KIAA1217: variants seen among roughly 807,000 people sequenced by gnomAD.
KIAA1217 encodes the protein sickle tail protein homolog.
Under a neutral mutation model 163.9 loss-of-function variants are expected in KIAA1217, and 88 were observed. The ratio of observed to expected loss-of-function variants is 0.54; its 90% CI spans 0.45 to 0.64. The LOEUF is 0.64. KIAA1217 is among the 30% of genes least tolerant of loss of function. The pLI is 0.00. For synonymous variants in KIAA1217, 903 were observed against 923.1 expected, an observed-to-expected ratio of 0.98 and a Z score of 0.39; for missense variants, 2,372 against 2,475.0, an observed-to-expected ratio of 0.96 and a Z score of 0.88.
intron 2 of KIAA1217, among the ~76,000 whole-genome samples, chr10:24,241,640 T>C (rs1199998444): frequency 1.3e-5 from 2 of 152,202 alleles, no homozygotes; most frequent in Admixed American, 1.3e-4. Context: ...GAATATACTG[T>C]CCTTTATTCC....
intron 2 of KIAA1217, among the ~76,000 whole-genome samples, chr10:24,080,981 A>G (rs1169342576): frequency 6.6e-6 from 1 of 152,186 alleles, no homozygotes; most frequent in East Asian, 1.9e-4. Context: ...ACACAAACCT[A>G]TTCTGAAGCT....
At chr10:23,826,763 C>G (rs1837918658) in intron 1 of KIAA1217, among the ~76,000 whole-genome samples, 1 of 152,110 alleles carries the variant, frequency 6.6e-6, no homozygotes, top group African/African-American at 2.4e-5. Context: ...TCAAATGCTC[C>G]AAGGGCTATC....
intron 2 of KIAA1217, among the ~76,000 whole-genome samples, chr10:24,087,485 T>C (rs1215831837): frequency 6.6e-6 from 1 of 152,186 alleles, no homozygotes; most frequent in East Asian, 1.9e-4. Flanking sequence ...ACATGAGGTT[T>C]TATTATTGTG....
intron 2 of KIAA1217, among the ~76,000 whole-genome samples, chr10:24,220,441 CTCT>C (rs2069424806): frequency 7.2e-6 from 1 of 138,914 alleles, no homozygotes; most frequent in Non-Finnish European, 1.5e-5. Context: ...TTTGTTTCTG[CTCT>C]TCTTTTTTTT....
At chr10:23,986,938 T>C (rs1488124671) in intron 1 of KIAA1217, among the ~76,000 whole-genome samples, 5 of 152,084 alleles carry the variant, frequency 3.3e-5, no homozygotes, top group Non-Finnish European at 5.9e-5. Flanking sequence ...CTTGGGACCC[T>C]GAGTGCCCTG....
In KIAA1217 at chr10:23,788,399, C is replaced by A. The variant is rs909327625; in HGVS notation, c.-321+93165C>A. ...AGTAAGTTGCCCAAGGTTACTCAGC[C>A]TCTTGGGGCTAATGCTAGAGCTAGA... On this transcript the variant is annotated intron_variant, in intron 1 of 18. Transcript: ENST00000376462. Among the ~76,000 whole-genome samples, 42 of 152,162 alleles carry A rather than the reference C, an allele frequency of 2.8e-4. 1 individual carries two copies. Among genetic ancestry groups the A allele is most frequent in the African/African-American group, 1.0e-3 (42 of 41,436 alleles).
At chr10:24,139,235 T>G (rs1383738100) in intron 2 of KIAA1217, among the ~76,000 whole-genome samples, 1 of 152,172 alleles carries the variant, frequency 6.6e-6, no homozygotes, top group African/African-American at 2.4e-5. Context: ...TTCCCATTTT[T>G]AATATATATA....
intron 2 of KIAA1217, among the ~76,000 whole-genome samples, chr10:24,176,439 C>T (rs2065893905): frequency 6.6e-6 from 1 of 152,094 alleles, no homozygotes; most frequent in African/African-American, 2.4e-5. Context: ...GGTGCATTTA[C>T]AATCCTCTAG....
intron 2 of KIAA1217, among the ~76,000 whole-genome samples, chr10:24,223,336 A>G (rs764749557): frequency 3.0e-4 from 46 of 152,164 alleles, no homozygotes; most frequent in South Asian, 2.1e-4. Flanking sequence ...GACATGGCCT[A>G]TGAAATTGCT....
intron 2 of KIAA1217, among the ~76,000 whole-genome samples, chr10:24,249,641 A>G (rs1006541960): frequency 1.3e-5 from 2 of 152,168 alleles, no homozygotes; most frequent in African/African-American, 4.8e-5. Flanking sequence ...CCCCATATAC[A>G]CTTAAATCAC....
intron 1 of KIAA1217, among the ~76,000 whole-genome samples, chr10:23,855,383 C>A (rs751743402): frequency 1.6e-4 from 25 of 152,276 alleles, no homozygotes; most frequent in Admixed American, 5.2e-4. Flanking sequence ...CTGAGAGATC[C>A]GCTGTTAGTC....
rs532177460 is a variant in KIAA1217, at chr10:23,766,732, G to A, written c.-321+71498G>A. Among the ~76,000 whole-genome samples, 24 of 152,040 alleles carry A rather than the reference G, an allele frequency of 1.6e-4. No individual in the cohort carries two copies. In the East Asian group the frequency reaches 4.3e-3, roughly 27 times the overall value. On this transcript the variant is annotated intron_variant, in intron 1 of 18. Coordinates refer to the KIAA1217 transcript ENST00000376462. ...GCCTCCCGAGTAGCTGGGATTACAG[G>A]TGTGTGCCATCATACCCAGCTAATT... is the stretch of plus-strand genomic sequence containing the variant.
At chr10:24,357,901 T>C (rs943709784) in intron 2 of KIAA1217, among the ~76,000 whole-genome samples, 14 of 152,240 alleles carry the variant, frequency 9.2e-5, no homozygotes, top group African/African-American at 1.7e-4. Flanking sequence ...CATGTGAGCA[T>C]TGGGCCTGTT....
intron 2 of KIAA1217, among the ~76,000 whole-genome samples, chr10:24,033,896 T>C (rs535218237): frequency 6.6e-6 from 1 of 152,312 alleles, no homozygotes; most frequent in South Asian, 2.1e-4. Context: ...ACAGAGGCCA[T>C]ACAGTTCAAA....
chr10:24,169,951 A>G (rs1489622638), intron 2 of KIAA1217, among the ~76,000 whole-genome samples: 1 of 152,224 alleles, frequency 6.6e-6, no homozygotes, highest in Non-Finnish European at 1.5e-5. Context: ...ATTTATTAGT[A>G]TTCAAAAAGC....
chr10:23,806,138 A>G (rs114063580), intron 1 of KIAA1217, among the ~76,000 whole-genome samples: 4 of 151,818 alleles, frequency 2.6e-5, no homozygotes, highest in South Asian at 2.1e-4. Flanking sequence ...CATCTTGGGG[A>G]TTCCTTAGAT....
In KIAA1217 at chr10:23,875,289, G is replaced by A. The variant is rs550529083; in HGVS notation, c.-320-131936G>A. Among the ~76,000 whole-genome samples the A allele has an allele frequency of 4.7e-4, 71 of 152,144 alleles. 1 individual carries two copies. Among genetic ancestry groups the A allele is most frequent in the South Asian group, 6.2e-4 (3 of 4,824 alleles). ...GATCCCTCTTTATAGAAACAGGGGA[G>A]CAAGGGACCAGGACTCTGATAGGAG... On this transcript the variant is annotated intron_variant, in intron 1 of 18. Coordinates refer to the KIAA1217 transcript ENST00000376462.
At chr10:24,070,302 A>G (rs2061136958) in intron 2 of KIAA1217, among the ~76,000 whole-genome samples, 1 of 150,316 alleles carries the variant, frequency 6.7e-6, no homozygotes, top group African/African-American at 2.5e-5. Context: ...AAAAAAAGAG[A>G]TATTAATATC....
intron 2 of KIAA1217, among the ~76,000 whole-genome samples, chr10:24,091,843 A>C (rs565166215): frequency 1.3e-5 from 2 of 151,798 alleles, no homozygotes. Flanking sequence ...ACATGATGTC[A>C]TCATGAGACA....
Sources: allele counts gnomAD v4.1 joint callset (sites outside exome capture counted in the v4.1 genomes callset), GRCh38; gene constraint gnomAD v4.1.1; transcripts MANE v1.5; gene names NCBI Gene and HGNC (gene_info 2026-07-23, HGNC 2026-07-21).